The following PRDM5 variants were observed in gnomAD, a reference collection of about 807,000 sequenced individuals.
The protein encoded by PRDM5 is PR domain zinc finger protein 5.
Under a neutral mutation model 81.2 loss-of-function variants are expected in PRDM5, and 56 were observed. The observed-to-expected ratio is 0.69, with a 90% CI of 0.56 to 0.86. The LOEUF (loss-of-function observed/expected upper bound fraction) is 0.86, where lower values mean the gene tolerates loss of function less well. Among genes scored for constraint, PRDM5 ranks in the 40% least tolerant of loss-of-function variants. The pLI, the probability that PRDM5 is intolerant of heterozygous loss-of-function variation, is 0.00. For missense variants in PRDM5, 697 were observed against 770.1 expected, an observed-to-expected ratio of 0.91 and a Z score of 1.12; for synonymous variants, 267 against 256.4, an observed-to-expected ratio of 1.04 and a Z score of -0.39.
chr4:120,816,661 T>A, intron 6 of PRDM5, 87 bp from the exon 7 acceptor site: 2 of 1,584,256 alleles, frequency 1.3e-6, no homozygotes, highest in Non-Finnish European at 1.7e-6. Context: ...TTGTAATACA[T>A]GCTCCCTAGT....
chr4:120,819,799 A>G (rs1014241467), intron 4 of PRDM5, among the ~76,000 whole-genome samples: 9 of 152,200 alleles, frequency 5.9e-5, no homozygotes, highest in Admixed American at 4.6e-4. Context: ...AATAATTCCC[A>G]TCACCCAAAA....
chr4:120,837,082 C>T (rs1269127183), intron 3 of PRDM5, among the ~76,000 whole-genome samples: 2 of 152,164 alleles, frequency 1.3e-5, no homozygotes, highest in East Asian at 3.8e-4. Context: ...CACCAACATG[C>T]TCAGGAATTG....
chr4:120,695,412 C>T (rs377350739), intron 15 of PRDM5, 137 bp from the exon 16 acceptor site: 2 of 934,024 alleles, frequency 2.1e-6, no homozygotes, highest in East Asian at 2.6e-5. Flanking sequence ...CCGAGTCACC[C>T]TTCCCTTTTC....
At chr4:120,852,678 CA>C (rs1348940956) in intron 3 of PRDM5, among the ~76,000 whole-genome samples, 1 of 151,470 alleles carries the variant, frequency 6.6e-6, no homozygotes, top group Non-Finnish European at 1.5e-5. Flanking sequence ...TACACACATA[CA>C]TAAACATATA....
chr4:120,877,497 A>G (rs1762428119), intron 2 of PRDM5, among the ~76,000 whole-genome samples: 1 of 152,202 alleles, frequency 6.6e-6, no homozygotes, highest in Non-Finnish European at 1.5e-5. Context: ...GGCTGCTAGA[A>G]GAATAATTTA....
In PRDM5 at chr4:120,692,968, A is replaced by G. The variant is rs1734173602; in HGVS notation, c.*2143T>C. 2 of 152,104 alleles carry G rather than the reference A, an allele frequency of 1.3e-5. No individual in the cohort carries two copies. Among genetic ancestry groups the G allele is most frequent in the South Asian group, 2.1e-4 (1 of 4,832 alleles). 9.4% of individuals were successfully genotyped at this position (152,104 alleles called of 1,614,324 possible). On this transcript the variant is annotated 3_prime_UTR_variant, in exon 16 of 16. Transcript: ENST00000264808. ...TTTTGGATAAAAATTTACAGCATAC[A>G]AATAGTCTACTAAGGACTTGTTTTG...
intron 2 of PRDM5, among the ~76,000 whole-genome samples, chr4:120,882,508 T>C (rs1762955795): frequency 6.6e-6 from 1 of 152,210 alleles, no homozygotes; most frequent in African/African-American, 2.4e-5. Context: ...TATCTCCACT[T>C]AATTCTGCAT....
rs552552471 is a variant in PRDM5, at chr4:120,724,691, C to T, written c.1624-14278G>A. 4.0e-4 allele frequency among the ~76,000 whole-genome samples: 61 copies of T among 152,144 alleles called. 2 individuals are homozygous for T. The South Asian group carries it at 0.013, about 32-fold the overall frequency. ...AGAAAGGAATTATGTACATGTAAAG[C>T]CTTAGAAAAGGGATATCTAATTCTA... On this transcript the variant is annotated intron_variant, in intron 14 of 15. Coordinates refer to ENST00000264808, the MANE Select transcript of PRDM5 (RefSeq NM_018699.4).
At chr4:120,802,608 AC>A (rs1294010177) in intron 8 of PRDM5, among the ~76,000 whole-genome samples, 1 of 152,158 alleles carries the variant, frequency 6.6e-6, no homozygotes, top group Admixed American at 6.5e-5. Flanking sequence ...TCTGGAGTGG[AC>A]CTCCAGCAAA....
At chr4:120,750,580 G>A (rs1193184032) in intron 14 of PRDM5, among the ~76,000 whole-genome samples, 3 of 152,000 alleles carry the variant, frequency 2.0e-5, no homozygotes, top group Non-Finnish European at 1.5e-5. Flanking sequence ...TGACCAAACT[G>A]ACTCAAGCCC....
chr4:120,755,226 C>A (rs917383220), intron 13 of PRDM5, among the ~76,000 whole-genome samples: 6 of 152,058 alleles, frequency 3.9e-5, no homozygotes, highest in Non-Finnish European at 7.4e-5. Context: ...ATTTTGAAAA[C>A]AGCCAAAATG....
chr4:120,823,704 G>A (rs985218742), intron 3 of PRDM5, among the ~76,000 whole-genome samples: 2 of 152,106 alleles, frequency 1.3e-5, no homozygotes, highest in African/African-American at 4.8e-5. Context: ...CTAATTTCTG[G>A]AGCCATTTTG....
At chr4:120,743,175 A>C (rs1376462060) in intron 14 of PRDM5, among the ~76,000 whole-genome samples, 3 of 151,814 alleles carry the variant, frequency 2.0e-5, no homozygotes, top group Non-Finnish European at 4.4e-5. Flanking sequence ...TATCCAGCCA[A>C]ACTAAGCTTC....
chr4:120,747,715 T>C (rs1578576943), intron 14 of PRDM5, among the ~76,000 whole-genome samples: 1 of 152,178 alleles, frequency 6.6e-6, no homozygotes, highest in Non-Finnish European at 1.5e-5. Flanking sequence ...ATTAATAAAA[T>C]ATAAAACAAT....
intron 8 of PRDM5, among the ~76,000 whole-genome samples, chr4:120,801,935 G>C (rs904449413): frequency 6.6e-6 from 1 of 151,996 alleles, no homozygotes; most frequent in African/African-American, 2.4e-5. Context: ...CATACCTTCT[G>C]AGTTATACAT....
chr4:120,706,711 T>A (rs60670974), intron 15 of PRDM5, among the ~76,000 whole-genome samples: 4,678 of 28,870 alleles, frequency 0.16, 248 homozygotes, highest in African/African-American at 0.31. Context: ...AAAACTGGTT[T>A]TATATATATA....
intron 15 of PRDM5, among the ~76,000 whole-genome samples, chr4:120,700,520 G>T (rs1053079082): frequency 6.6e-6 from 1 of 151,952 alleles, no homozygotes; most frequent in African/African-American, 2.4e-5. Flanking sequence ...ACAGACAACT[G>T]ACAGAATGAG....
chr4:120,879,708 A>C (rs190119349), intron 2 of PRDM5, among the ~76,000 whole-genome samples: 38 of 152,276 alleles, frequency 2.5e-4, no homozygotes, highest in Admixed American at 3.9e-4. Context: ...ATTAGTAGTT[A>C]AGTTTTTGGG....
At chr4:120,792,961 C>T (rs1750800187) in intron 10 of PRDM5, among the ~76,000 whole-genome samples, 1 of 152,036 alleles carries the variant, frequency 6.6e-6, no homozygotes, top group Admixed American at 6.6e-5. Context: ...TCAAGGGATA[C>T]AAAGTTTCAG....
Sources: gnomAD v4.1 joint callset for allele counts (sites outside exome capture counted in the v4.1 genomes callset) on GRCh38, gnomAD v4.1.1 for gene constraint, MANE v1.5 for transcripts, NCBI Gene and HGNC (gene_info 2026-07-23, HGNC 2026-07-21) for gene names.